The following ATF1 variants were observed in gnomAD, a reference collection of about 807,000 sequenced individuals.
The protein encoded by ATF1 is cyclic AMP-dependent transcription factor ATF-1.
Under a neutral mutation model 34.7 loss-of-function variants are expected in ATF1, and 16 were observed. The ratio of observed to expected loss-of-function variants is 0.46; its 90% confidence interval spans 0.31 to 0.70. The LOEUF (loss-of-function observed/expected upper bound fraction) is 0.70. Among genes scored for constraint, ATF1 ranks in the 30% least tolerant of loss-of-function variants. ATF1 has a pLI of 0.05. For missense variants in ATF1, 255 were observed against 321.6 expected, an observed-to-expected ratio of 0.79 and a Z score of 1.58; for synonymous variants, 105 against 113.1, an observed-to-expected ratio of 0.93 and a Z score of 0.46.
intron 3 of ATF1, among the ~76,000 whole-genome samples, chr12:50,807,805 T>G (rs1478406362): frequency 5.6e-5 from 7 of 124,234 alleles, no homozygotes; most frequent in African/African-American, 9.2e-5. Flanking sequence ...TGTGTGTGTT[T>G]TTTTTTTGTT....
intron 2 of ATF1, chr12:50,788,310 G>A (rs574364801): frequency 6.9e-6 from 3 of 435,612 alleles, no homozygotes; most frequent in East Asian, 1.5e-4. Flanking sequence ...AGCTCCCCAA[G>A]TAGCAGGGAC....
chr12:50,765,489 C>T (rs1420531920), intron 1 of ATF1, among the ~76,000 whole-genome samples: 1 of 152,138 alleles, frequency 6.6e-6, no homozygotes, highest in African/African-American at 2.4e-5. Context: ...ATAGGGTGTG[C>T]TATCTTTGCC....
chr12:50,788,852 T>C (rs1941243029), intron 2 of ATF1, among the ~76,000 whole-genome samples: 1 of 152,138 alleles, frequency 6.6e-6, no homozygotes, highest in Admixed American at 6.6e-5. Context: ...GTCTAGTTAG[T>C]ATAACTACAT....
At chr12:50,788,970 G>T (rs1326333280) in intron 2 of ATF1, among the ~76,000 whole-genome samples, 1 of 152,168 alleles carries the variant, frequency 6.6e-6, no homozygotes, top group Non-Finnish European at 1.5e-5. Context: ...GCTGTGATGT[G>T]CCTTATGGAG....
At chr12:50,796,625 T>A (rs1211636035) in intron 3 of ATF1, among the ~76,000 whole-genome samples, 1 of 150,692 alleles carries the variant, frequency 6.6e-6, no homozygotes, top group South Asian at 2.1e-4. Flanking sequence ...CACTTGAACC[T>A]GGGAGGCGGA....
intron 1 of ATF1, 144 bp downstream of exon 1, chr12:50,764,451 AG>A (rs1196269573): frequency 4.2e-5 from 5 of 118,744 alleles, no homozygotes; most frequent in Non-Finnish European, 9.1e-5. Context: ...GCGCAGCGGC[AG>A]GGGGAGGGGC....
intron 2 of ATF1, among the ~76,000 whole-genome samples, chr12:50,783,286 A>G (rs1409294647): frequency 6.6e-6 from 1 of 152,212 alleles, no homozygotes; most frequent in Non-Finnish European, 1.5e-5. Flanking sequence ...CAAAGGGGTT[A>G]GTCCTTTAAG....
intron 1 of ATF1, among the ~76,000 whole-genome samples, chr12:50,773,374 T>C (rs1378939886): frequency 2.0e-5 from 3 of 149,038 alleles, no homozygotes; most frequent in Admixed American, 6.8e-5. Flanking sequence ...TAATTTACAC[T>C]CCCACCAACA....
At chr12:50,814,918 G>A (rs777749460) in intron 6 of ATF1, among the ~76,000 whole-genome samples, 3 of 150,866 alleles carry the variant, frequency 2.0e-5, no homozygotes, top group African/African-American at 4.9e-5. Context: ...TCAGGAGATC[G>A]AGACCATCCT....
intron 1 of ATF1, among the ~76,000 whole-genome samples, chr12:50,771,795 A>G (rs936812453): frequency 1.6e-4 from 24 of 152,086 alleles, no homozygotes; most frequent in African/African-American, 5.6e-4. Context: ...GCCGGCCAAA[A>G]CCCACCAAAA....
At chr12:50,779,175 G>T (rs761555002) in intron 1 of ATF1, among the ~76,000 whole-genome samples, 1 of 152,158 alleles carries the variant, frequency 6.6e-6, no homozygotes, top group African/African-American at 2.4e-5. Flanking sequence ...ATGAATATTT[G>T]GGTTGCTTCC....
At chr12:50,777,272 AGTT>A (rs1270845540) in intron 1 of ATF1, among the ~76,000 whole-genome samples, 5 of 152,232 alleles carry the variant, frequency 3.3e-5, no homozygotes, top group African/African-American at 1.2e-4. Flanking sequence ...GACTTTAAGA[AGTT>A]GTGGAAATAG....
chr12:50,798,971 T>C (rs1464841638), intron 3 of ATF1, among the ~76,000 whole-genome samples: 1 of 152,152 alleles, frequency 6.6e-6, no homozygotes, highest in Admixed American at 6.5e-5. Flanking sequence ...CTGGTGCACA[T>C]GTGTAATAGA....
intron 1 of ATF1, among the ~76,000 whole-genome samples, chr12:50,772,672 ATT>A (rs909526116): frequency 1.4e-5 from 2 of 138,762 alleles, no homozygotes; most frequent in South Asian, 2.2e-4. Flanking sequence ...GTCTAAATAT[ATT>A]TTTCTCTCTC....
chr12:50,783,047 A>G (rs1015581456), intron 2 of ATF1, among the ~76,000 whole-genome samples: 4 of 150,784 alleles, frequency 2.7e-5, no homozygotes, highest in African/African-American at 9.9e-5. Context: ...AATGTAAAAC[A>G]ATGCCATTTC....
intron 3 of ATF1, among the ~76,000 whole-genome samples, chr12:50,801,756 A>G (rs1377690857): frequency 6.6e-6 from 1 of 152,226 alleles, no homozygotes; most frequent in Non-Finnish European, 1.5e-5. Context: ...GCATTTGACA[A>G]AAATCCAGTT....
At chr12:50,793,527 G>A (rs1941346728) in intron 2 of ATF1, among the ~76,000 whole-genome samples, 1 of 151,890 alleles carries the variant, frequency 6.6e-6, no homozygotes, top group African/African-American at 2.4e-5. Flanking sequence ...CAGCTACTTG[G>A]GAGGCTGAGG....
intron 3 of ATF1, among the ~76,000 whole-genome samples, chr12:50,801,109 T>C (rs1019186007): frequency 2.4e-4 from 36 of 152,316 alleles, no homozygotes; most frequent in African/African-American, 8.4e-4. Context: ...AATCCATCAA[T>C]CAATTTGATG....
Position 50,788,178 on chromosome 12 carries a change from A to G in ATF1, c.94-7731A>G, listed in dbSNP as rs185506910. The G allele has an allele frequency of 2.1e-4, 93 of 450,868 alleles. No individual in the cohort carries two copies. The East Asian group carries it at 6.0e-3, about 29-fold the overall frequency. 27.9% of individuals were successfully genotyped at this position (450,868 alleles called of 1,614,324 possible). A position where few individuals can be genotyped will look rare whatever the true frequency, so the allele number is the denominator to read the frequency against. ...ATGAGGAATAAAAATTAACTATTTT[A>G]TAGCCAATCTTTTTTTTTTTTTGAC... is the stretch of plus-strand genomic sequence containing the variant. On this transcript the variant is annotated intron_variant, in intron 2 of 6. Coordinates refer to ENST00000262053, the MANE Select transcript of ATF1 (RefSeq NM_005171.5).
Sources: allele counts gnomAD v4.1 joint callset (sites outside exome capture counted in the v4.1 genomes callset), GRCh38; gene constraint gnomAD v4.1.1; transcripts MANE v1.5; gene names NCBI Gene and HGNC (gene_info 2026-07-23, HGNC 2026-07-21).